Variants in ZFAND6 observed in about 807,000 individuals in gnomAD.
ZFAND6 encodes the protein AN1-type zinc finger protein 6.
Under a neutral mutation model 24.5 loss-of-function variants are expected in ZFAND6, and 12 were observed. That is an observed-to-expected ratio of 0.49 (90% CI 0.31 to 0.79). ZFAND6 has a LOEUF of 0.79. Among genes scored for constraint, ZFAND6 ranks in the 30% least tolerant of loss-of-function variants. The pLI is 0.04. For synonymous variants in ZFAND6, 92 were observed against 81.5 expected (o/e 1.13, Z -0.69); for missense variants, 207 against 245.9 (o/e 0.84, Z 1.06).
intron 4 of ZFAND6, among the ~76,000 whole-genome samples, chr15:80,122,300 TTAGGAACCAA>T (rs560343367): frequency 1.5e-3 from 234 of 152,312 alleles, no homozygotes; most frequent in African/African-American, 5.1e-3. Flanking sequence ...TATTCTGCTT[TTAGGAACCAA>T]TATATTAAGT....
At chr15:80,080,093 G>A (rs1163973295) in intron 1 of ZFAND6, among the ~76,000 whole-genome samples, 3 of 151,562 alleles carry the variant, frequency 2.0e-5, no homozygotes, top group Non-Finnish European at 4.4e-5. Context: ...CCATCTCCAG[G>A]GTTCAAGCAG....
At chr15:80,099,634 T>TTTTTTTTTTTTC (rs1555431664) in intron 2 of ZFAND6, among the ~76,000 whole-genome samples, 10 of 148,694 alleles carry the variant, frequency 6.7e-5, no homozygotes, top group African/African-American at 2.5e-4. Context: ...TTTTTTTTTT[T>TTTTTTTTTTTTC]CGAGACGGAG....
chr15:80,130,385 G>C (rs1440608703), intron 5 of ZFAND6: 8 of 151,418 alleles, frequency 5.3e-5, no homozygotes, highest in Non-Finnish European at 1.2e-4. Flanking sequence ...GATCCCTGGG[G>C]AAAGTCTAGT....
chr15:80,085,590 ACACT>A (rs1489820784), intron 1 of ZFAND6, among the ~76,000 whole-genome samples: 1 of 152,214 alleles, frequency 6.6e-6, no homozygotes, highest in African/African-American at 2.4e-5. Flanking sequence ...AAAACAAAAA[ACACT>A]CATCATCTAA....
intron 2 of ZFAND6, among the ~76,000 whole-genome samples, chr15:80,110,934 A>T (rs1414566534): frequency 6.6e-6 from 1 of 152,164 alleles, no homozygotes; most frequent in Non-Finnish European, 1.5e-5. Flanking sequence ...TGGCCCTGGG[A>T]TGGGAGGGGT....
intron 1 of ZFAND6, among the ~76,000 whole-genome samples, chr15:80,074,209 A>G (rs1028416455): frequency 1.3e-5 from 2 of 151,880 alleles, no homozygotes; most frequent in Non-Finnish European, 3.0e-5. Flanking sequence ...ATATAAAGCA[A>G]TTTTTCTGGA....
intron 2 of ZFAND6, among the ~76,000 whole-genome samples, chr15:80,116,469 A>C (rs2039880754): frequency 6.6e-6 from 1 of 152,228 alleles, no homozygotes. Flanking sequence ...GTTAATGAGA[A>C]GAGTGGCATT....
At chr15:80,112,653 C>T (rs2039668464) in intron 2 of ZFAND6, 2 of 389,570 alleles carry the variant, frequency 5.1e-6, no homozygotes, top group South Asian at 3.8e-5. Context: ...GCCTTGGCCA[C>T]CCAAAGTGCT....
intron 1 of ZFAND6, among the ~76,000 whole-genome samples, chr15:80,067,703 C>T (rs369064306): frequency 1.3e-5 from 2 of 152,130 alleles, no homozygotes; most frequent in South Asian, 2.1e-4. Flanking sequence ...AGCAGAGAGA[C>T]AGTCTTCTGC....
intron 1 of ZFAND6, among the ~76,000 whole-genome samples, chr15:80,073,873 C>T (rs2037116628): frequency 6.6e-6 from 1 of 151,754 alleles, no homozygotes. Context: ...CTTTTAGGTT[C>T]TAATTTTTCG....
At chr15:80,071,800 C>G (rs2036994082) in intron 1 of ZFAND6, among the ~76,000 whole-genome samples, 1 of 150,598 alleles carries the variant, frequency 6.6e-6, no homozygotes, top group South Asian at 2.1e-4. Flanking sequence ...TATACCTGAA[C>G]ATGTCATTAG....
At chr15:80,059,159 T>C (rs1016925420), upstream of ZFAND6, among the ~76,000 whole-genome samples, 1 of 152,238 alleles carries the variant, frequency 6.6e-6, no homozygotes, top group Non-Finnish European at 1.5e-5. Context: ...GCTCGGACTT[T>C]GCGCTTGCAG....
chr15:80,098,006 C>A (rs2038830929), intron 1 of ZFAND6, among the ~76,000 whole-genome samples: 1 of 152,200 alleles, frequency 6.6e-6, no homozygotes, highest in African/African-American at 2.4e-5. Flanking sequence ...AAAACAATCT[C>A]ATTCTCCCTA....
At chr15:80,079,509 C>T (rs1007528395) in intron 1 of ZFAND6, among the ~76,000 whole-genome samples, 3 of 151,676 alleles carry the variant, frequency 2.0e-5, no homozygotes, top group African/African-American at 4.8e-5. Context: ...CGTGAGCCAC[C>T]GCACCCGGCC....
intron 1 of ZFAND6, among the ~76,000 whole-genome samples, chr15:80,092,958 T>G (rs982362746): frequency 1.1e-4 from 2 of 17,554 alleles, no homozygotes; most frequent in African/African-American, 2.4e-4. Flanking sequence ...GCTACTACAA[T>G]TTTTTTTTTT....
rs367642588 is a variant in ZFAND6 at position 80,123,738 on chromosome 15, G to A, written c.364+938G>A. 3.9e-4 allele frequency among the ~76,000 whole-genome samples: 59 copies of A among 152,288 alleles called. 3 individuals are homozygous for A. In the South Asian group the frequency reaches 0.012, roughly 32 times the overall value. On this transcript the variant is annotated intron_variant, in intron 5 of 6. Coordinates refer to ENST00000261749, the MANE Select transcript of ZFAND6 (RefSeq NM_019006.4). ...GACAACAAAAAATTAGCCAGGTGAG[G>A]CGGCACATACCTGTAGTCACAACTA... is the stretch of plus-strand genomic sequence containing the variant.
chr15:80,131,362 G>T (rs757609875), intron 6 of ZFAND6, 69 bp downstream of exon 6: 71 of 1,313,544 alleles, frequency 5.4e-5, no homozygotes, highest in Non-Finnish European at 7.5e-5. Flanking sequence ...TACTGTTGTT[G>T]ACTTCAATTA....
At chr15:80,083,736 TA>T (rs2037823761) in intron 1 of ZFAND6, among the ~76,000 whole-genome samples, 2 of 152,138 alleles carry the variant, frequency 1.3e-5, no homozygotes, top group Admixed American at 1.3e-4. Flanking sequence ...ACTAAAAATA[TA>T]AAAATCAGCT....
At chr15:80,077,780 A>G (rs1278078676) in intron 1 of ZFAND6, among the ~76,000 whole-genome samples, 1 of 145,100 alleles carries the variant, frequency 6.9e-6, no homozygotes, top group Non-Finnish European at 1.5e-5. Flanking sequence ...GTTCACTGCA[A>G]CCTCCACCTC....
Sources: allele counts gnomAD v4.1 joint callset (sites outside exome capture counted in the v4.1 genomes callset), GRCh38; gene constraint gnomAD v4.1.1; transcripts MANE v1.5; gene names NCBI Gene and HGNC (gene_info 2026-07-23, HGNC 2026-07-21).